WDR26: variants seen among roughly 807,000 people sequenced by gnomAD.
WDR26 encodes WD repeat-containing protein 26.
A neutral mutation model predicts 84.1 loss-of-function variants in WDR26; 5 were observed. The observed-to-expected ratio is 0.06, with a 90% CI of 0.03 to 0.13. The LOEUF is 0.13. Ranked by LOEUF, WDR26 falls within the 10% of genes least tolerant of loss-of-function variation. The pLI, the probability that WDR26 is intolerant of heterozygous loss-of-function variation, is 1.00. For synonymous variants in WDR26, 415 were observed against 389.6 expected, an observed-to-expected ratio of 1.07 and a Z score of -0.77; for missense variants, 642 against 974.9, an observed-to-expected ratio of 0.66 and a Z score of 4.55.
chr1:224,401,671 C>CAAAA (rs767368281), intron 8 of WDR26, among the ~76,000 whole-genome samples: 21 of 49,628 alleles, frequency 4.2e-4, no homozygotes, highest in African/African-American at 1.6e-3. Context: ...GAGACTGTCT[C>CAAAA]AAAAAAAAAA....
chr1:224,415,453 C>CTTTTTTTTTTTTTTTTTTTTTTTTTTTT (rs149995544), intron 6 of WDR26, among the ~76,000 whole-genome samples: 3 of 82,340 alleles, frequency 3.6e-5, no homozygotes, highest in African/African-American at 1.5e-4. Context: ...GTATTTCTTT[C>CTTTTTTTTTTTTTTTTTTTTTTTTTTTT]TTTTTTTTTT....
intron 12 of WDR26, 78 bp downstream of exon 12, chr1:224,398,019 G>A (rs1040869669): frequency 1.5e-5 from 23 of 1,540,610 alleles, no homozygotes; most frequent in Non-Finnish European, 2.0e-5. Context: ...AATTTTCTTG[G>A]AGACATGACT....
At chr1:224,431,826 GT>G in intron 1 of WDR26, 45 bp from the exon 2 acceptor site, 2 of 1,450,450 alleles carry the variant, frequency 1.4e-6, no homozygotes, top group Non-Finnish European at 1.9e-6. Flanking sequence ...CAATTTTAGG[GT>G]TTTAATCCTT....
intron 10 of WDR26, 69 bp downstream of exon 10, chr1:224,398,820 G>A: frequency 6.3e-7 from 1 of 1,581,776 alleles, no homozygotes; most frequent in Non-Finnish European, 8.6e-7. Context: ...ACTGTGAAAA[G>A]GCAAGTTCCA....
intron 4 of WDR26, among the ~76,000 whole-genome samples, chr1:224,421,660 T>C (rs1259072555): frequency 6.6e-6 from 1 of 152,158 alleles, no homozygotes; most frequent in East Asian, 1.9e-4. Flanking sequence ...CCAGGTGTGG[T>C]GGCTTGTGCC....
chr1:224,431,847 T>C (rs1674400878), intron 1 of WDR26, 66 bp from the exon 2 acceptor site: 5 of 1,288,476 alleles, frequency 3.9e-6, no homozygotes, highest in African/African-American at 1.5e-5. Context: ...TCAAATAAAC[T>C]AATGTCCATG....
chr1:224,405,649 C>T (rs1011606441), intron 7 of WDR26, among the ~76,000 whole-genome samples: 10 of 152,002 alleles, frequency 6.6e-5, no homozygotes, highest in African/African-American at 1.4e-4. Flanking sequence ...GGGAAAGAAA[C>T]GAAAGTTTAG....
intron 8 of WDR26, among the ~76,000 whole-genome samples, chr1:224,403,098 T>A (rs1673460528): frequency 6.6e-6 from 1 of 152,026 alleles, no homozygotes; most frequent in African/African-American, 2.4e-5. Context: ...GGAGTCTCAC[T>A]CTGTTGCCCA....
chr1:224,392,132 C>T (rs540489091), intron 13 of WDR26, among the ~76,000 whole-genome samples: 4 of 152,162 alleles, frequency 2.6e-5, no homozygotes, highest in South Asian at 2.1e-4. Flanking sequence ...GAGGCCGAGG[C>T]GGGTGGATCA....
At position 224,398,815 on chromosome 1, in the gene WDR26, G is replaced by T. The variant is rs1673330107; in HGVS notation, c.1865+74C>A. 2.5e-6 allele frequency: 4 copies of T among 1,574,024 alleles called. No homozygotes were observed. The Admixed American group carries it at 7.4e-5, about 29-fold the overall frequency. On this transcript the variant is annotated intron_variant, in intron 10 of 13. Transcript: ENST00000414423. ...CCAAAACGAAAAACATAAAAACTGT[G>T]AAAAGGCAAGTTCCACTACACATTT...
chr1:224,395,114 T>TC (rs1357026503), intron 12 of WDR26, among the ~76,000 whole-genome samples: 2 of 152,284 alleles, frequency 1.3e-5, no homozygotes, highest in South Asian at 2.1e-4. Flanking sequence ...ATTGTATCCT[T>TC]CCTCCAACAC....
At position 224,386,262 on chromosome 1, in the gene WDR26, A is replaced by G. The variant is rs1672990282; in HGVS notation, c.*3573T>C. The G allele has an allele frequency of 6.6e-6, 1 of 152,670 alleles. No homozygotes were observed. The highest frequency in any genetic ancestry group is 2.1e-4 in the South Asian group (1 of 4,834). The allele number at this position is 152,670 out of a possible 1,614,324, so 9.5% of individuals were successfully genotyped here. A position where few individuals can be genotyped will look rare whatever the true frequency, so the allele number is the denominator to read the frequency against. ...GTGTTGGAGGGCAACCCAAAAGGAC[A>G]GTTGCGAAATTATGAATGAGAAATT... On this transcript the variant is annotated 3_prime_UTR_variant, in exon 14 of 14. Transcript: ENST00000414423.
At chr1:224,411,359 T>C (rs1268299997) in intron 7 of WDR26, 68 bp downstream of exon 7, 4 of 1,487,222 alleles carry the variant, frequency 2.7e-6, no homozygotes, top group Non-Finnish European at 3.6e-6. Flanking sequence ...CTTAAAAATA[T>C]GTAATCAATG....
chr1:224,393,811 T>G lies in WDR26; in HGVS notation c.2260+17A>C. ...TTCATTTGGACAAAACATAGTAACA[T>G]TATACAAAGGTATTACCTTCAATAT... On this transcript the variant is annotated intron_variant, in intron 13 of 13. Coordinates refer to ENST00000414423, the MANE Select transcript of WDR26 (RefSeq NM_001379403.1). 6.7e-7 allele frequency: 1 copy of G among 1,500,654 alleles called. No individual in the cohort carries two copies. Among genetic ancestry groups the G allele is most frequent in the Non-Finnish European group, 9.1e-7 (1 of 1,104,552 alleles). 93.0% of individuals were successfully genotyped at this position (1,500,654 alleles called of 1,614,324 possible).
chr1:224,426,878 C>A (rs537278093), intron 3 of WDR26, among the ~76,000 whole-genome samples: 1 of 150,792 alleles, frequency 6.6e-6, no homozygotes, highest in African/African-American at 2.4e-5. Flanking sequence ...GGGTGGATCA[C>A]GAGGTCAGCA....
At position 224,409,878 on chromosome 1, in the gene WDR26, A is replaced by G. The variant is rs59871768; in HGVS notation, c.1458+1549T>C. On this transcript the variant is annotated intron_variant, in intron 7 of 13. Transcript: ENST00000414423. ...ATACTGTCTCAGAGAAAAAAAAAGA[A>G]AAGAAAAAAAAATTATTTCCATCTG... 6.3e-3 allele frequency among the ~76,000 whole-genome samples: 963 copies of G among 152,024 alleles called. 11 individuals are homozygous for G. The highest frequency in any genetic ancestry group is 0.022 in the African/African-American group (903 of 41,446).
rs73125537 is a variant in WDR26, at chr1:224,405,124, T to C, written c.1459-554A>G. ...GCAGCCCCTGGCAACCACTACTTTC[T>C]GTCTCTGTCTCTATAGATTTGCCTA... is the stretch of plus-strand genomic sequence containing the variant. On this transcript the variant is annotated intron_variant, in intron 7 of 13. Transcript: ENST00000414423. 6.4e-3 allele frequency among the ~76,000 whole-genome samples: 974 copies of C among 152,324 alleles called. 11 individuals are homozygous for C. The highest frequency in any genetic ancestry group is 0.022 in the African/African-American group (914 of 41,576).
At position 224,389,556 on chromosome 1, in the gene WDR26, G is replaced by A. The variant is rs2102882290; in HGVS notation, c.*279C>T. On this transcript the variant is annotated 3_prime_UTR_variant, in exon 14 of 14. Coordinates refer to ENST00000414423, the MANE Select transcript of WDR26 (RefSeq NM_001379403.1). ...GGAAGGAAAAAAATATATATACTGA[G>A]TTCAATGGGTAAGCCTGAATGTAGC... is the stretch of plus-strand genomic sequence containing the variant. 3.7e-6 allele frequency: 2 copies of A among 542,190 alleles called. No homozygotes were observed. Among genetic ancestry groups the A allele is most frequent in the East Asian group, 6.7e-5 (2 of 29,846 alleles). 33.6% of individuals were successfully genotyped at this position (542,190 alleles called of 1,614,324 possible).
intron 7 of WDR26, among the ~76,000 whole-genome samples, chr1:224,410,694 CTT>C (rs397983007): frequency 9.2e-5 from 11 of 118,928 alleles, no homozygotes; most frequent in Admixed American, 2.6e-4. Flanking sequence ...ATCTTTCTTT[CTT>C]TTTTTTTTTT....
Sources: allele counts gnomAD v4.1 joint callset (sites outside exome capture counted in the v4.1 genomes callset), GRCh38; gene constraint gnomAD v4.1.1; transcripts MANE v1.5; gene names NCBI Gene and HGNC (gene_info 2026-07-23, HGNC 2026-07-21).